Variants in NAB1 observed in about 807,000 individuals in gnomAD.
NAB1 encodes NGFI-A-binding protein 1.
In NAB1, 25 loss-of-function variants were observed where a neutral mutation model predicts 49.9. The ratio of observed to expected loss-of-function variants is 0.50; its 90% CI spans 0.37 to 0.70. NAB1 has a LOEUF of 0.70. NAB1 is among the 30% of genes least tolerant of loss of function. The pLI, the probability that NAB1 is intolerant of heterozygous loss-of-function variation, is 0.00. For synonymous variants in NAB1, 198 were observed against 215.6 expected (o/e 0.92, Z 0.71); for missense variants, 489 against 575.9 (o/e 0.85, Z 1.54).
At position 190,666,076 on chromosome 2, in the gene NAB1, C is replaced by T. The variant is rs182815314; in HGVS notation, c.820-4250C>T. Among the ~76,000 whole-genome samples, 2 of 152,240 alleles carry T rather than the reference C, an allele frequency of 1.3e-5. No individual in the cohort carries two copies. The highest frequency in any genetic ancestry group is 1.3e-4 in the Admixed American group (2 of 15,292). Reference sequence around the variant, plus strand: ...TACTCATTAATTTTGGCCTCAATGTCCTTATTCTCATCAGCTCATTGAGCA... The same window carrying T: ...TACTCATTAATTTTGGCCTCAATGTTCTTATTCTCATCAGCTCATTGAGCA... On this transcript the variant is annotated intron_variant, in intron 4 of 9. Transcript: ENST00000337386. The surrounding 1 kb of genome is among the most constrained non-coding windows in gnomAD (Gnocchi z 5.6).
Position 190,690,449 on chromosome 2 carries a change from G to A in NAB1, c.*116G>A, listed in dbSNP as rs935159817. On this transcript the variant is annotated 3_prime_UTR_variant, in exon 10 of 10. Transcript: ENST00000337386. ...TCATTCAGCTCAAACAGATTTCATA[G>A]CCAAAGCAAAAGGACTGGTACGGTA... 1.3e-6 allele frequency: 1 copy of A among 789,186 alleles called. No individual in the cohort carries two copies. Among genetic ancestry groups the A allele is most frequent in the Non-Finnish European group, 2.1e-6 (1 of 473,922 alleles). The allele number at this position is 789,186 out of a possible 1,614,324, so 48.9% of individuals were successfully genotyped here. A position where few individuals can be genotyped will look rare whatever the true frequency, so the allele number is the denominator to read the frequency against.
At chr2:190,660,174 G>C (rs116540030) in intron 4 of NAB1, among the ~76,000 whole-genome samples, 179 bp downstream of exon 4, 2,575 of 152,300 alleles carry the variant, frequency 0.017, 64 homozygotes, top group African/African-American at 0.058. Context: ...ATTGTGTTCA[G>C]GGTATATTTG....
rs777918335 is a variant in NAB1, at chr2:190,659,893, C to T, written c.717C>T (p.Asn239=). Residue 239 remains asparagine, a synonymous_variant, in exon 4 of 10, where the codon AAC becomes AAT. Transcript: ENST00000337386. This position sits in a 1 kb window ranked among gnomAD's most constrained non-coding sequence, Gnocchi z 6.2. ...AKMIGHIFEM[N]DDDPHKEEEI... ...TGATTGGTCACATCTTTGAGATGAA[C>T]GATGATGATCCACACAAAGAGGAGG... The T allele has an allele frequency of 2.3e-4, 371 of 1,614,016 alleles. 3 individuals are homozygous for T. Among genetic ancestry groups the T allele is most frequent in the South Asian group, 1.8e-3 (167 of 91,092 alleles).
chr2:190,681,918 G>A (rs181081650), intron 6 of NAB1, among the ~76,000 whole-genome samples: 1 of 152,062 alleles, frequency 6.6e-6, no homozygotes, highest in Admixed American at 6.6e-5. Flanking sequence ...TTAAGGATTT[G>A]CCCTCTGCTG....
Position 190,660,011 on chromosome 2 carries a change from T to G in NAB1, c.819+16T>G, listed in dbSNP as rs1345380160. The G allele has an allele frequency of 6.3e-7, 1 of 1,595,702 alleles. No individual in the cohort carries two copies. Among genetic ancestry groups the G allele is most frequent in the Non-Finnish European group, 8.6e-7 (1 of 1,166,568 alleles). On this transcript the variant is annotated intron_variant, in intron 4 of 9. Coordinates refer to ENST00000337386, the MANE Select transcript of NAB1 (RefSeq NM_005966.4). Reference sequence around the variant, plus strand: ...ACTTCATGAGGTACAAAGCCCGCGTTGTTCCTTCTGTGTGTGTATGTGGCA... The same window carrying G: ...ACTTCATGAGGTACAAAGCCCGCGTGGTTCCTTCTGTGTGTGTATGTGGCA...
chr2:190,656,405 G>T (rs1693921428), intron 3 of NAB1, among the ~76,000 whole-genome samples: 1 of 152,190 alleles, frequency 6.6e-6, no homozygotes, highest in African/African-American at 2.4e-5. Context: ...ATCACAGCCG[G>T]CTTTGGAAGG....
rs907957411 is a variant in NAB1, at chr2:190,689,291, G to A, written c.1376-954G>A. Among the ~76,000 whole-genome samples, 1 of 152,100 alleles carries A rather than the reference G, an allele frequency of 6.6e-6. No homozygotes were observed. The highest frequency in any genetic ancestry group is 2.4e-5 in the African/African-American group (1 of 41,412). On this transcript the variant is annotated intron_variant, in intron 9 of 9. Coordinates refer to ENST00000337386, the MANE Select transcript of NAB1 (RefSeq NM_005966.4). This position sits in a 1 kb window ranked among gnomAD's most constrained non-coding sequence, Gnocchi z 4.3. Reference sequence around the variant, plus strand: ...GTAAAAGAGAAGTAATTTCTACCTCGTAGGGTAGTTAGGAGGATTAAACAA... The same window carrying A: ...GTAAAAGAGAAGTAATTTCTACCTCATAGGGTAGTTAGGAGGATTAAACAA...
At chr2:190,687,087 T>A in intron 8 of NAB1, 114 bp from the exon 9 acceptor site, 1 of 486,108 alleles carries the variant, frequency 2.1e-6, no homozygotes, top group South Asian at 4.4e-5. Flanking sequence ...AATTCTTCAG[T>A]GCTCGTTGAC....
rs1031700911 is a variant in NAB1 at position 190,657,153 on chromosome 2, T to C, written c.-20+1000T>C. Among the ~76,000 whole-genome samples, 2 of 152,304 alleles carry C rather than the reference T, an allele frequency of 1.3e-5. No homozygotes were observed. The highest frequency in any genetic ancestry group is 2.1e-4 in the South Asian group (1 of 4,832). ...CAACACTTTATAGCAGCCCTTCTATTTGGTATAGTGTAGTTTAATATAGCT... is the reference window on the plus strand; with the variant it reads ...CAACACTTTATAGCAGCCCTTCTATCTGGTATAGTGTAGTTTAATATAGCT... On this transcript the variant is annotated intron_variant, in intron 3 of 9. Coordinates refer to ENST00000337386, the MANE Select transcript of NAB1 (RefSeq NM_005966.4). This position sits in a 1 kb window ranked among gnomAD's most constrained non-coding sequence, Gnocchi z 4.4.
chr2:190,675,731 T>C lies in NAB1; in HGVS notation c.1005+2579T>C, dbSNP rs1695037010. Among the ~76,000 whole-genome samples, 1 of 152,210 alleles carries C rather than the reference T, an allele frequency of 6.6e-6. No individual in the cohort carries two copies. The highest frequency in any genetic ancestry group is 2.4e-5 in the African/African-American group (1 of 41,464). ...TTTGATTTTGTTTCCCAGAAATAAG[T>C]AGTAACTACACCTTTGAATTTAGGA... On this transcript the variant is annotated intron_variant, in intron 6 of 9. Transcript: ENST00000337386. The surrounding 1 kb of genome is among the most constrained non-coding windows in gnomAD (Gnocchi z 5.2).
In NAB1 at chr2:190,684,053, G is replaced by A. The variant is rs1299916609; in HGVS notation, c.1095+226G>A. ...GATATGGTGCTACTTATTTATTCTTGTAGTTTTGTAGGAAGTGAGACAGAT... is the reference window on the plus strand; with the variant it reads ...GATATGGTGCTACTTATTTATTCTTATAGTTTTGTAGGAAGTGAGACAGAT... On this transcript the variant is annotated intron_variant, in intron 7 of 9. Transcript: ENST00000337386. This position sits in a 1 kb window ranked among gnomAD's most constrained non-coding sequence, Gnocchi z 4.6. Among the ~76,000 whole-genome samples the A allele has an allele frequency of 1.3e-5, 2 of 152,084 alleles. No individual in the cohort carries two copies. Among genetic ancestry groups the A allele is most frequent in the Non-Finnish European group, 2.9e-5 (2 of 67,994 alleles).
chr2:190,671,112 C>T (rs1260065218), intron 5 of NAB1, among the ~76,000 whole-genome samples: 1 of 152,180 alleles, frequency 6.6e-6, no homozygotes, highest in Admixed American at 6.5e-5. Context: ...ACACAGACCC[C>T]GATTTCCAGC....
At position 190,652,581 on chromosome 2, in the gene NAB1, C is replaced by T. The variant is rs537871536; in HGVS notation, c.-197+2599C>T. ...AAATTTTTTTCCAGCTTCATTCATT[C>T]CATTCAGAATTTAGAAACGAATCAA... On this transcript the variant is annotated intron_variant, in intron 2 of 9. Coordinates refer to ENST00000337386, the MANE Select transcript of NAB1 (RefSeq NM_005966.4). This position sits in a 1 kb window ranked among gnomAD's most constrained non-coding sequence, Gnocchi z 4.2. Among the ~76,000 whole-genome samples the T allele has an allele frequency of 5.9e-5, 9 of 152,252 alleles. No homozygotes were observed. In the East Asian group the frequency reaches 1.7e-3, roughly 29 times the overall value.
At chr2:190,658,822 T>C (rs1425175179) in intron 3 of NAB1, among the ~76,000 whole-genome samples, 1 of 152,234 alleles carries the variant, frequency 6.6e-6, no homozygotes, top group African/African-American at 2.4e-5. Context: ...AATTTGACTA[T>C]CTTTCACTCC....
intron 5 of NAB1, among the ~76,000 whole-genome samples, chr2:190,672,877 C>T (rs1383985712): frequency 6.6e-6 from 1 of 151,892 alleles, no homozygotes; most frequent in Non-Finnish European, 1.5e-5. Flanking sequence ...TAGGTAGTGG[C>T]CTTTTAAAAT....
In NAB1 at chr2:190,657,531, A is replaced by G. The variant is rs1466586109; in HGVS notation, c.-20+1378A>G. On this transcript the variant is annotated intron_variant, in intron 3 of 9. Transcript: ENST00000337386. This position sits in a 1 kb window ranked among gnomAD's most constrained non-coding sequence, Gnocchi z 4.4. ...CACCCCAGGTGATTTCCTGGGTTTT[A>G]GTAGAAGCTACTGGGCCCTAATTCA... 6.6e-6 allele frequency among the ~76,000 whole-genome samples: 1 copy of G among 152,202 alleles called. No homozygotes were observed. Among genetic ancestry groups the G allele is most frequent in the Non-Finnish European group, 1.5e-5 (1 of 68,028 alleles).
chr2:190,666,926 A>G lies in NAB1; in HGVS notation c.820-3400A>G, dbSNP rs1694551191. ...TTCATATTTTCCCAACTGCTTGGGA[A>G]TATTTTCATTTTTCTTTTGTAATTA... On this transcript the variant is annotated intron_variant, in intron 4 of 9. Transcript: ENST00000337386. This position sits in a 1 kb window ranked among gnomAD's most constrained non-coding sequence, Gnocchi z 5.6. Among the ~76,000 whole-genome samples the G allele has an allele frequency of 6.6e-6, 1 of 152,138 alleles. No individual in the cohort carries two copies. The highest frequency in any genetic ancestry group is 1.5e-5 in the Non-Finnish European group (1 of 68,006).
Position 190,651,047 on chromosome 2 carries a change from C to T in NAB1, c.-197+1065C>T, listed in dbSNP as rs1693641163. On this transcript the variant is annotated intron_variant, in intron 2 of 9. Coordinates refer to ENST00000337386, the MANE Select transcript of NAB1 (RefSeq NM_005966.4). The surrounding 1 kb of genome is among the most constrained non-coding windows in gnomAD (Gnocchi z 4.3). ...ATGTTTTTTTCCCGACTCTGATGGT[C>T]TCTTGTTACTTGTGAAGGTATCAAT... 6.6e-6 allele frequency among the ~76,000 whole-genome samples: 1 copy of T among 152,146 alleles called. No homozygotes were observed. The highest frequency in any genetic ancestry group is 1.5e-5 in the Non-Finnish European group (1 of 68,032).
rs1373052322 is a variant in NAB1 at position 190,691,202 on chromosome 2, T to A, written c.*869T>A. 1 of 152,596 alleles carries A rather than the reference T, an allele frequency of 6.6e-6. No individual in the cohort carries two copies. The highest frequency in any genetic ancestry group is 1.5e-5 in the Non-Finnish European group (1 of 67,970). The allele number at this position is 152,596 out of a possible 1,614,324, so 9.5% of individuals were successfully genotyped here. ...GTTAAATAGATTAAGACACAGTAAG[T>A]TAACCCTACATGTTATAAAGATGGC... On this transcript the variant is annotated 3_prime_UTR_variant, in exon 10 of 10. Coordinates refer to ENST00000337386, the MANE Select transcript of NAB1 (RefSeq NM_005966.4). This position sits in a 1 kb window ranked among gnomAD's most constrained non-coding sequence, Gnocchi z 4.1.
Sources: gnomAD v4.1 joint callset for allele counts (sites outside exome capture counted in the v4.1 genomes callset) on GRCh38, gnomAD v4.1.1 for gene constraint, Gnocchi (gnomAD v3.1) non-coding constraint, MANE v1.5 for transcripts, NCBI Gene and HGNC (gene_info 2026-07-23, HGNC 2026-07-21) for gene names.